The following TBXAS1 variants were observed in gnomAD, a reference collection of about 807,000 sequenced individuals.
TBXAS1 encodes thromboxane A synthase 1.
In TBXAS1, 48 loss-of-function variants were observed where a neutral mutation model predicts 60.7. The observed-to-expected ratio is 0.79, with a 90% CI of 0.63 to 1.01. The LOEUF (loss-of-function observed/expected upper bound fraction) is 1.01. TBXAS1 is among the 50% of genes least tolerant of loss of function. The pLI, the probability that TBXAS1 is intolerant of heterozygous loss-of-function variation, is 0.00. For synonymous variants in TBXAS1, 287 were observed against 269.7 expected (o/e 1.06, Z -0.63); for missense variants, 685 against 686.3 (o/e 1.00, Z 0.02).
intron 9 of TBXAS1, among the ~76,000 whole-genome samples, chr7:139,964,085 CTTT>C (rs1167716255): frequency 6.6e-6 from 1 of 151,922 alleles, no homozygotes; most frequent in Non-Finnish European, 1.5e-5. Context: ...GCTGCCCATT[CTTT>C]TTTATTTTTT....
chr7:139,992,978 C>T (rs1375503012), intron 9 of TBXAS1, among the ~76,000 whole-genome samples: 4 of 152,074 alleles, frequency 2.6e-5, no homozygotes, highest in Non-Finnish European at 4.4e-5. Flanking sequence ...TGAGACCAGC[C>T]TGGTTAACAC....
chr7:139,987,726 G>T (rs570471225), intron 9 of TBXAS1, among the ~76,000 whole-genome samples: 3 of 152,164 alleles, frequency 2.0e-5, no homozygotes, highest in Non-Finnish European at 4.4e-5. Flanking sequence ...AAGCTAATTC[G>T]CAGGGATATG....
intron 8 of TBXAS1, 23 bp downstream of exon 8, chr7:139,957,787 AGCCTTGAAATG>A (rs755618050): frequency 6.2e-7 from 1 of 1,613,890 alleles, no homozygotes; most frequent in Non-Finnish European, 8.5e-7. Flanking sequence ...AATAGGACAC[AGCCTTGAAATG>A]GAATGGAGCC....
At chr7:139,803,771 A>C (rs1797776402) in intron 4 of TBXAS1, among the ~76,000 whole-genome samples, 1 of 152,196 alleles carries the variant, frequency 6.6e-6, no homozygotes, top group African/African-American at 2.4e-5. Context: ...AGAGGGTGCA[A>C]GTCCCAAATC....
At chr7:139,868,150 T>C (rs1801560517) in intron 1 of TBXAS1, among the ~76,000 whole-genome samples, 1 of 152,224 alleles carries the variant, frequency 6.6e-6, no homozygotes. Context: ...GGGAAACATT[T>C]GCATTAATTC....
intron 4 of TBXAS1, among the ~76,000 whole-genome samples, chr7:139,924,199 G>A (rs1001999555): frequency 2.0e-5 from 3 of 152,062 alleles, no homozygotes; most frequent in Non-Finnish European, 2.9e-5. Context: ...TCTATTTTTA[G>A]TTTTTTTAGT....
intron 1 of TBXAS1, among the ~76,000 whole-genome samples, chr7:139,866,441 A>G (rs531737652): frequency 2.2e-4 from 33 of 152,284 alleles, no homozygotes; most frequent in African/African-American, 7.9e-4. Context: ...TGAAAAAAGT[A>G]GAAATCTGGA....
At position 139,778,992 on chromosome 7, in the gene TBXAS1, C is replaced by T. The variant is rs1261044662; in HGVS notation, c.-318+521C>T. ...GAAGGCAACCAGCTTTCAAAAAGAACGAAATGGAATCCAATAGAAAATATT... is the reference window on the plus strand; with the variant it reads ...GAAGGCAACCAGCTTTCAAAAAGAATGAAATGGAATCCAATAGAAAATATT... On this transcript the variant is annotated intron_variant, in intron 1 of 16. Coordinates refer to the TBXAS1 transcript ENST00000336425. The surrounding 1 kb of genome is among the most constrained non-coding windows in gnomAD (Gnocchi z 4.8). Among the ~76,000 whole-genome samples the T allele has an allele frequency of 6.6e-6, 1 of 152,134 alleles. No homozygotes were observed. Among genetic ancestry groups the T allele is most frequent in the South Asian group, 2.1e-4 (1 of 4,832 alleles).
At chr7:139,913,158 A>G in intron 4 of TBXAS1, 1 of 702,618 alleles carries the variant, frequency 1.4e-6, no homozygotes, top group Non-Finnish European at 2.6e-6. Flanking sequence ...CCATCCCTTC[A>G]GGATGGCCGA....
chr7:139,812,277 A>T (rs1171114731), intron 4 of TBXAS1, among the ~76,000 whole-genome samples: 1 of 152,230 alleles, frequency 6.6e-6, no homozygotes, highest in African/African-American at 2.4e-5. Context: ...ATACACACAA[A>T]TGAGGGGAGA....
intron 9 of TBXAS1, among the ~76,000 whole-genome samples, chr7:139,976,361 G>A (rs1811563720): frequency 6.6e-6 from 1 of 152,172 alleles, no homozygotes; most frequent in African/African-American, 2.4e-5. Flanking sequence ...CTAAGATCAG[G>A]GAGGTTCTCC....
intron 4 of TBXAS1, among the ~76,000 whole-genome samples, chr7:139,800,025 A>T (rs567687320): frequency 2.0e-5 from 3 of 151,888 alleles, no homozygotes; most frequent in East Asian, 3.9e-4. Context: ...TCCTTAAACA[A>T]CCCGTCGGCA....
intron 3 of TBXAS1, among the ~76,000 whole-genome samples, chr7:139,885,600 G>A (rs1327338219): frequency 5.3e-5 from 8 of 152,138 alleles, no homozygotes; most frequent in African/African-American, 1.7e-4. Context: ...AATGCAAATA[G>A]CATTCCTATT....
intron 4 of TBXAS1, chr7:139,913,704 C>G (rs139026795): frequency 2.0e-5 from 3 of 153,764 alleles, no homozygotes; most frequent in Non-Finnish European, 4.3e-5. Flanking sequence ...CACCCCTCCA[C>G]GCAGACTAGG....
chr7:139,861,244 T>C lies in TBXAS1; in HGVS notation c.90-10991T>C, dbSNP rs1800941387. 3.3e-5 allele frequency among the ~76,000 whole-genome samples: 5 copies of C among 151,954 alleles called. No individual in the cohort carries two copies. In the South Asian group the frequency reaches 1.0e-3, roughly 32 times the overall value. ...TTGATCTATTATGTAAGACACTTAC[T>C]ATACATATAGACAGGGTCTCGCTCT... On this transcript the variant is annotated intron_variant, in intron 1 of 12. Transcript: ENST00000448866.
intron 1 of TBXAS1, among the ~76,000 whole-genome samples, chr7:139,860,001 C>T (rs1800852148): frequency 6.6e-6 from 1 of 151,986 alleles, no homozygotes; most frequent in South Asian, 2.1e-4. Context: ...TAGCTGAGCA[C>T]AATAGTGCAC....
chr7:139,802,318 G>A (rs527956520), intron 4 of TBXAS1, among the ~76,000 whole-genome samples: 7 of 152,246 alleles, frequency 4.6e-5, no homozygotes, highest in Admixed American at 2.0e-4. Context: ...TAGGTTACAC[G>A]TGATATAGTT....
intron 3 of TBXAS1, among the ~76,000 whole-genome samples, chr7:139,899,118 A>G (rs1584800037): frequency 1.3e-5 from 2 of 152,222 alleles, no homozygotes; most frequent in East Asian, 1.9e-4. Flanking sequence ...CCTGCTCCAG[A>G]TCTATGCCCT....
intron 1 of TBXAS1, among the ~76,000 whole-genome samples, chr7:139,834,910 T>C (rs1798954405): frequency 6.6e-6 from 1 of 152,084 alleles, no homozygotes; most frequent in Non-Finnish European, 1.5e-5. Context: ...TTGGTACCAA[T>C]ACTTTTGACA....
Sources: allele counts gnomAD v4.1 joint callset (sites outside exome capture counted in the v4.1 genomes callset), GRCh38; gene constraint gnomAD v4.1.1; non-coding constraint Gnocchi (gnomAD v3.1); transcripts MANE v1.5; gene names NCBI Gene and HGNC (gene_info 2026-07-23, HGNC 2026-07-21).